Variants in ATG10 observed in about 807,000 individuals in gnomAD.
ATG10 encodes ubiquitin-like-conjugating enzyme ATG10.
A neutral mutation model predicts 32.1 loss-of-function variants in ATG10; 30 were observed. The ratio of observed to expected loss-of-function variants is 0.94; its 90% CI spans 0.70 to 1.27. The LOEUF is 1.27. Ranked by LOEUF, ATG10 falls within the 50% of genes most tolerant of loss-of-function variation. The probability of loss-of-function intolerance (pLI) is 0.00; values close to 1 mark genes in which losing one functional copy is unlikely to be tolerated. For synonymous variants in ATG10, 87 were observed against 91.5 expected, an observed-to-expected ratio of 0.95 and a Z score of 0.28; for missense variants, 233 against 262.3, an observed-to-expected ratio of 0.89 and a Z score of 0.77.
chr5:82,205,739 A>G (rs187807879), intron 5 of ATG10, among the ~76,000 whole-genome samples: 1 of 152,334 alleles, frequency 6.6e-6, no homozygotes, highest in African/African-American at 2.4e-5. Context: ...AGAGAAATAT[A>G]TTAGGACAAA....
At chr5:82,242,998 C>A in intron 5 of ATG10, 1 of 317,970 alleles carries the variant, frequency 3.1e-6, no homozygotes. Context: ...TACTAGACAA[C>A]AGTAGTACAT....
chr5:82,122,432 C>T (rs1300853308), intron 3 of ATG10, among the ~76,000 whole-genome samples: 1 of 152,034 alleles, frequency 6.6e-6, no homozygotes, highest in Admixed American at 6.6e-5. Flanking sequence ...TAGGAAATAC[C>T]ATCCTGGACA....
intron 3 of ATG10, chr5:82,072,996 C>G (rs1322044840): frequency 6.6e-6 from 1 of 152,140 alleles, no homozygotes. Flanking sequence ...AATACTTTTT[C>G]TGACTTGTCT....
In ATG10 at chr5:82,058,575, C is replaced by T. The variant is rs1317373783; in HGVS notation, c.189C>T (p.Thr63=). The T allele has an allele frequency of 2.5e-6, 4 of 1,611,986 alleles. No individual in the cohort carries two copies. The highest frequency in any genetic ancestry group is 1.1e-5 in the South Asian group (1 of 90,910). Residue 63 remains threonine, a synonymous_variant, in exon 3 of 8, where the codon ACC becomes ACT. Transcript: ENST00000282185. ...GSVMSHLGAS[T]HGQTCLPMEE... ...TGATGTCACATCTAGGAGCATCTAC[C>T]CATGGACAGACATGTCTTCCCATGG...
At chr5:82,118,278 A>G (rs976683744) in intron 3 of ATG10, among the ~76,000 whole-genome samples, 1 of 148,294 alleles carries the variant, frequency 6.7e-6, no homozygotes, top group Non-Finnish European at 1.5e-5. Flanking sequence ...GCTGAACCCC[A>G]CAAGAGCAGA....
intron 5 of ATG10, among the ~76,000 whole-genome samples, chr5:82,184,242 A>G (rs1430648590): frequency 9.2e-5 from 14 of 151,886 alleles, no homozygotes; most frequent in Admixed American, 9.2e-4. Context: ...AGGTTACAGT[A>G]GCATCTACAC....
chr5:82,153,910 A>T (rs1581748729), intron 3 of ATG10, among the ~76,000 whole-genome samples: 3 of 130,094 alleles, frequency 2.3e-5, no homozygotes, highest in African/African-American at 2.8e-5. Flanking sequence ...CCTGCTGCCT[A>T]TTTTTTTTTT....
intron 5 of ATG10, among the ~76,000 whole-genome samples, chr5:82,206,539 A>T (rs1745307709): frequency 6.6e-6 from 1 of 151,960 alleles, no homozygotes; most frequent in African/African-American, 2.4e-5. Context: ...GGTCCCAGCT[A>T]CTAGGGAGGC....
At chr5:82,210,692 CT>C (rs1745459518) in intron 5 of ATG10, among the ~76,000 whole-genome samples, 1 of 152,084 alleles carries the variant, frequency 6.6e-6, no homozygotes, top group South Asian at 2.1e-4. Flanking sequence ...TAAGCTGGGG[CT>C]TTTAAGGAGG....
chr5:82,121,471 G>T (rs1400128354), intron 3 of ATG10, among the ~76,000 whole-genome samples: 1 of 152,102 alleles, frequency 6.6e-6, no homozygotes, highest in African/African-American at 2.4e-5. Flanking sequence ...TTGCCTGATT[G>T]CTCTGGCTAT....
intron 3 of ATG10, among the ~76,000 whole-genome samples, chr5:82,064,689 A>G (rs1763885457): frequency 6.6e-6 from 1 of 152,082 alleles, no homozygotes; most frequent in Admixed American, 6.6e-5. Flanking sequence ...ATCTTATTTA[A>G]TCTTCAGAAA....
intron 2 of ATG10, 81 bp downstream of exon 2, chr5:81,987,759 C>T (rs946555269): frequency 3.9e-6 from 4 of 1,013,416 alleles, no homozygotes; most frequent in Non-Finnish European, 6.0e-6. Context: ...CAGGTAAAAC[C>T]TCCATAATTG....
chr5:82,101,467 T>C (rs1280475961), intron 3 of ATG10, among the ~76,000 whole-genome samples: 1 of 152,172 alleles, frequency 6.6e-6, no homozygotes, highest in Non-Finnish European at 1.5e-5. Context: ...CTATGAAGGC[T>C]GGAAATGTAG....
At chr5:82,169,321 A>AG (rs1561337407) in intron 4 of ATG10, among the ~76,000 whole-genome samples, 1 of 141,732 alleles carries the variant, frequency 7.1e-6, no homozygotes, top group Non-Finnish European at 1.6e-5. Flanking sequence ...TGAAATTTGG[A>AG]AAAAAAAAAA....
chr5:82,009,290 A>AT (rs1220967903), intron 2 of ATG10, among the ~76,000 whole-genome samples: 4 of 151,680 alleles, frequency 2.6e-5, no homozygotes, highest in Non-Finnish European at 4.4e-5. Flanking sequence ...CTAGGGAACC[A>AT]TTTTTTTTCT....
chr5:82,092,454 C>T (rs564890576), intron 3 of ATG10, among the ~76,000 whole-genome samples: 1 of 152,278 alleles, frequency 6.6e-6, no homozygotes, highest in South Asian at 2.1e-4. Flanking sequence ...TGGCTTGCAG[C>T]AACGTGGTTT....
chr5:81,987,740 G>A, intron 2 of ATG10, 62 bp downstream of exon 2: 4 of 1,324,808 alleles, frequency 3.0e-6, no homozygotes, highest in Admixed American at 4.0e-5. Context: ...TTTTGTTTTG[G>A]TTTGTTGACA....
intron 2 of ATG10, among the ~76,000 whole-genome samples, chr5:82,039,617 G>A (rs1163713660): frequency 6.6e-6 from 1 of 152,140 alleles, no homozygotes; most frequent in Non-Finnish European, 1.5e-5. Flanking sequence ...TTGTTAAAAA[G>A]TATGCAAGAT....
intron 3 of ATG10, among the ~76,000 whole-genome samples, chr5:82,120,311 T>A (rs6874590): frequency 0.037 from 5,630 of 152,216 alleles, 226 homozygotes; most frequent in African/African-American, 0.11. Flanking sequence ...CCATTGATAG[T>A]CAGGTTGGAG....
Sources: gnomAD v4.1 joint callset for allele counts (sites outside exome capture counted in the v4.1 genomes callset) on GRCh38, gnomAD v4.1.1 for gene constraint, MANE v1.5 for transcripts, NCBI Gene and HGNC (gene_info 2026-07-23, HGNC 2026-07-21) for gene names.